The following STXBP4 variants were observed in gnomAD, a reference collection of about 807,000 sequenced individuals.
STXBP4 encodes syntaxin-binding protein 4.
In STXBP4, 55 loss-of-function variants were observed where a neutral mutation model predicts 76.1. The observed-to-expected ratio is 0.72, with a 90% CI of 0.58 to 0.91. The LOEUF is 0.91. Among genes scored for constraint, STXBP4 ranks in the 40% least tolerant of loss-of-function variants. STXBP4 has a pLI of 0.00. For missense variants in STXBP4, 618 were observed against 636.9 expected (o/e 0.97, Z 0.32); for synonymous variants, 201 against 220.2 (o/e 0.91, Z 0.77).
rs1361988304 is a variant in STXBP4, at chr17:55,141,310, G to GTTT, written c.1491_1493dup (p.Cys497_Leu498insPhe). On this transcript the variant is annotated inframe_insertion and splice_region_variant, in exon 17 of 18. Transcript: ENST00000376352. ...TATTTTTGGTTTCCTTTCACTGTAG[G>GTTT]TTTACCTTATGGGTGGGAGGAAGCT... 6.2e-7 allele frequency: 1 copy of GTTT among 1,610,440 alleles called. No individual in the cohort carries two copies. The highest frequency in any genetic ancestry group is 8.5e-7 in the Non-Finnish European group (1 of 1,178,300).
chr17:55,106,949 T>TA lies in STXBP4; in HGVS notation c.1489+25766_1489+25767insA, dbSNP rs1173280366. ...CTTCTTGAGGAGTATCTTTGTGGTG[T>TA]TCTCTGTATTTCCTGAATTTGAATG... On this transcript the variant is annotated intron_variant, in intron 16 of 17. Transcript: ENST00000376352. 2.6e-5 allele frequency among the ~76,000 whole-genome samples: 4 copies of TA among 151,762 alleles called. No homozygotes were observed. The South Asian group carries it at 8.3e-4, about 32-fold the overall frequency.
chr17:55,024,419 G>A (rs1426151412), intron 8 of STXBP4, among the ~76,000 whole-genome samples: 2 of 152,326 alleles, frequency 1.3e-5, no homozygotes, highest in East Asian at 1.9e-4. Flanking sequence ...AAGAGCCAGC[G>A]TGCAATTCAT....
At chr17:55,033,244 C>G (rs1336406637) in intron 9 of STXBP4, among the ~76,000 whole-genome samples, 2 of 151,930 alleles carry the variant, frequency 1.3e-5, no homozygotes, top group East Asian at 3.9e-4. Context: ...CATGGTGGTG[C>G]ACGCCTGTAA....
chr17:55,077,149 A>G (rs2079193409), intron 13 of STXBP4, among the ~76,000 whole-genome samples: 1 of 151,992 alleles, frequency 6.6e-6, no homozygotes, highest in African/African-American at 2.4e-5. Context: ...TATTTCCTTC[A>G]GTTAGCTTTC....
chr17:55,148,246 A>G (rs1187722808), intron 17 of STXBP4, among the ~76,000 whole-genome samples: 1 of 152,336 alleles, frequency 6.6e-6, no homozygotes, highest in African/African-American at 2.4e-5. Flanking sequence ...CTCATAATCT[A>G]TAAGTGAATA....
At chr17:55,025,127 C>T (rs928297540) in intron 8 of STXBP4, among the ~76,000 whole-genome samples, 8 of 150,856 alleles carry the variant, frequency 5.3e-5, no homozygotes, top group African/African-American at 1.2e-4. Context: ...GGTGACAGAG[C>T]GAGACTCCGT....
intron 7 of STXBP4, 121 bp downstream of exon 7, chr17:55,001,004 C>T (rs971319247): frequency 5.3e-5 from 33 of 627,490 alleles, no homozygotes; most frequent in African/African-American, 1.7e-4. Flanking sequence ...CTTCAGTGAA[C>T]GAAAAAGTAA....
At chr17:55,004,771 A>AGGGAGAAGGAGAAGGAAAAGAAGTG (rs2077978061) in intron 7 of STXBP4, among the ~76,000 whole-genome samples, 1 of 151,896 alleles carries the variant, frequency 6.6e-6, no homozygotes, top group Non-Finnish European at 1.5e-5. Context: ...AAGGAGACGG[A>AGGGAGAAGGAGAAGGAAAAGAAGTG]GGGAGAAGGA....
chr17:55,129,563 CAAAAG>C (rs2079952001), intron 16 of STXBP4, among the ~76,000 whole-genome samples: 1 of 150,604 alleles, frequency 6.6e-6, no homozygotes, highest in Non-Finnish European at 1.5e-5. Context: ...TTTTATTTCT[CAAAAG>C]AAAGAAAGAA....
intron 1 of STXBP4, among the ~76,000 whole-genome samples, chr17:54,975,520 T>C (rs1304563230): frequency 6.6e-6 from 1 of 152,126 alleles, no homozygotes; most frequent in East Asian, 1.9e-4. Context: ...CGTGATTTAA[T>C]TATGTGATTA....
chr17:55,117,213 C>T (rs894485218), intron 16 of STXBP4, among the ~76,000 whole-genome samples: 2 of 151,618 alleles, frequency 1.3e-5, no homozygotes, highest in Admixed American at 6.6e-5. Context: ...AAGAGTCTTT[C>T]CTGCTATTAC....
intron 4 of STXBP4, among the ~76,000 whole-genome samples, chr17:54,998,359 T>C (rs1386204488): frequency 6.6e-6 from 1 of 152,204 alleles, no homozygotes; most frequent in Non-Finnish European, 1.5e-5. Context: ...TACTAATTAA[T>C]GATAAATAGG....
chr17:55,159,986 A>G lies in STXBP4; in HGVS notation c.*75A>G. On this transcript the variant is annotated 3_prime_UTR_variant, in exon 18 of 18. Transcript: ENST00000376352. ...ATAACATCCAATTCTGAGATGAAAC[A>G]GTCTAAAATAGGAGTAAAGCATGCA... 1 of 882,174 alleles carries G rather than the reference A, an allele frequency of 1.1e-6. No individual in the cohort carries two copies. The highest frequency in any genetic ancestry group is 1.8e-6 in the Non-Finnish European group (1 of 541,724). 54.6% of individuals were successfully genotyped at this position (882,174 alleles called of 1,614,324 possible).
At chr17:55,185,245 T>TCTTCTC in the STXBP4 span, among the ~76,000 whole-genome samples, 95 of 57,952 alleles carry the variant, frequency 1.6e-3, 1 homozygote, top group South Asian at 2.0e-3. Context: ...TTCTTCTTCT[T>TCTTCTC]CTTCTCCTTC....
At chr17:55,034,054 T>C in intron 9 of STXBP4, 114 bp from the exon 10 acceptor site, 1 of 692,598 alleles carries the variant, frequency 1.4e-6, no homozygotes, top group Non-Finnish European at 2.4e-6. Context: ...GTCAATACTA[T>C]TTTAAGATAA....
At chr17:55,192,777 T>A in the STXBP4 span, among the ~76,000 whole-genome samples, 3,386 of 152,280 alleles carry the variant, frequency 0.022, 126 homozygotes, top group African/African-American at 0.077. Flanking sequence ...AGAGATTAAC[T>A]AACTTTCAGG....
Position 55,122,217 on chromosome 17 carries a change from G to A in STXBP4, c.1490-19093G>A, listed in dbSNP as rs114600363. Among the ~76,000 whole-genome samples the A allele has an allele frequency of 7.1e-3, 1,080 of 152,270 alleles. 15 individuals carry two copies. The highest frequency in any genetic ancestry group is 0.025 in the African/African-American group (1,021 of 41,540). On this transcript the variant is annotated intron_variant, in intron 16 of 17. Coordinates refer to ENST00000376352, the MANE Select transcript of STXBP4 (RefSeq NM_178509.6). The stretch of plus-strand genomic sequence containing the variant: ...TATTATGCACCAAAGCCTGAGCTGT[G>A]TACCAGAAAATGACACAAAGATGGA...
intron 4 of STXBP4, among the ~76,000 whole-genome samples, chr17:54,998,192 A>G (rs1470464786): frequency 6.6e-6 from 1 of 152,206 alleles, no homozygotes; most frequent in Admixed American, 6.5e-5. Context: ...TAGATCAAAG[A>G]TCAGTATCCA....
chr17:55,053,132 T>C (rs1318953889), intron 12 of STXBP4, among the ~76,000 whole-genome samples: 1 of 151,926 alleles, frequency 6.6e-6, no homozygotes, highest in African/African-American at 2.4e-5. Flanking sequence ...GTTGACAAAA[T>C]TGGAATACAG....
Sources: gnomAD v4.1 joint callset for allele counts (sites outside exome capture counted in the v4.1 genomes callset) on GRCh38, gnomAD v4.1.1 for gene constraint, MANE v1.5 for transcripts, NCBI Gene and HGNC (gene_info 2026-07-23, HGNC 2026-07-21) for gene names.